CDKN1A: variants seen among roughly 807,000 people sequenced by gnomAD.
CDKN1A encodes cyclin dependent kinase inhibitor 1A.
In CDKN1A, 14 loss-of-function variants were observed where a neutral mutation model predicts 14.8. That is an observed-to-expected ratio of 0.94 (90% confidence interval 0.62 to 1.48). The LOEUF (loss-of-function observed/expected upper bound fraction) is 1.48. Among genes scored for constraint, CDKN1A ranks in the 40% most tolerant of loss-of-function variants. The pLI is 0.00. For synonymous variants in CDKN1A, 92 were observed against 93.5 expected (o/e 0.98, Z 0.09); for missense variants, 203 against 231.7 (o/e 0.88, Z 0.80).
At position 36,686,392 on chromosome 6, in the gene CDKN1A, T is replaced by C; in HGVS notation, c.*592T>C. The C allele has an allele frequency of 4.1e-6, 1 of 241,448 alleles. No homozygotes were observed. The highest frequency in any genetic ancestry group is 8.1e-6 in the Non-Finnish European group (1 of 122,704). 15.0% of individuals were successfully genotyped at this position (241,448 alleles called of 1,614,324 possible). ...GCCTAGGGCTGAGCTGGGGACCTGG[T>C]ACCCTCCTGGCTCTTGATACCCCCC... On this transcript the variant is annotated 3_prime_UTR_variant, in exon 3 of 3. Transcript: ENST00000244741. The surrounding 1 kb of genome is among the most constrained non-coding windows in gnomAD (Gnocchi z 4.9).
chr6:36,678,704 T>G (rs906598152), upstream of CDKN1A: 15 of 985,450 alleles, frequency 1.5e-5, no homozygotes, highest in South Asian at 5.6e-4. The surrounding 1 kb of genome is among the most constrained non-coding windows in gnomAD (Gnocchi z 5.7). Flanking sequence ...CGCGCTGAGC[T>G]GCGCCAGCTG....
In CDKN1A at chr6:36,684,496, G is replaced by C. The variant is rs777722468; in HGVS notation, c.395G>C (p.Gly132Ala). The C allele has an allele frequency of 6.2e-7, 1 of 1,614,112 alleles. No homozygotes were observed. The highest frequency in any genetic ancestry group is 2.2e-5 in the East Asian group (1 of 44,900). Reference protein sequence around the residue: ...RSGEQAEGSPGGPGDSQGRKR... With the variant: ...RSGEQAEGSPAGPGDSQGRKR... The stretch of plus-strand genomic sequence containing the variant: ...GGGGAGCAGGCTGAAGGGTCCCCAG[G>C]TGGACCTGGAGACTCTCAGGGTCGA... The change falls in exon 2 of 3, where the codon GGT (glycine) becomes GCT (alanine). Residue 132 changes from glycine to alanine, a missense_variant. Transcript: ENST00000244741. This position sits in a 1 kb window ranked among gnomAD's most constrained non-coding sequence, Gnocchi z 6.0.
rs368128681 is a variant in CDKN1A at position 36,684,169 on chromosome 6, G to A, written c.68G>A (p.Gly23Asp). The A allele has an allele frequency of 8.1e-6, 13 of 1,612,254 alleles. No individual in the cohort carries two copies. Among genetic ancestry groups the A allele is most frequent in the Non-Finnish European group, 1.1e-5 (13 of 1,180,014 alleles). ...CGSKACRRLFGPVDSEQLSRD... is the reference protein window; with the variant it reads ...CGSKACRRLFDPVDSEQLSRD... ...AGCAAGGCCTGCCGCCGCCTCTTCG[G>A]CCCAGTGGACAGCGAGCAGCTGAGC... is the stretch of plus-strand genomic sequence containing the variant. Residue 23 changes from glycine to aspartate, a missense_variant, in exon 2 of 3, where the codon GGC becomes GAC. Coordinates refer to ENST00000244741, the MANE Select transcript of CDKN1A (RefSeq NM_000389.5). This position sits in a 1 kb window ranked among gnomAD's most constrained non-coding sequence, Gnocchi z 6.0.
intron 1 of CDKN1A, among the ~76,000 whole-genome samples, chr6:36,680,297 TCTGCGCGGGC>T (rs1458629272): frequency 7.1e-6 from 1 of 140,320 alleles, no homozygotes; most frequent in African/African-American, 2.6e-5. Context: ...CGCGTGCGTG[TCTGCGCGGGC>T]GTGTGTGTGT....
intron 1 of CDKN1A, among the ~76,000 whole-genome samples, chr6:36,683,454 T>C (rs1762083477): frequency 6.6e-6 from 1 of 152,242 alleles, no homozygotes; most frequent in African/African-American, 2.4e-5. Flanking sequence ...TTTAAACTTG[T>C]ACATGGCCCC....
intron 1 of CDKN1A, among the ~76,000 whole-genome samples, chr6:36,681,334 T>TTTTCTTTC (rs1554185367): frequency 2.9e-4 from 25 of 86,126 alleles, no homozygotes; most frequent in Admixed American, 4.6e-4. Context: ...CTTTCTTTCT[T>TTTTCTTTC]TTTCTTTCTT....
chr6:36,683,646 G>A (rs979472630), intron 1 of CDKN1A, among the ~76,000 whole-genome samples: 1 of 152,194 alleles, frequency 6.6e-6, no homozygotes, highest in Non-Finnish European at 1.5e-5. Context: ...GGAGGCTGGA[G>A]GAACTGTCAG....
intron 1 of CDKN1A, among the ~76,000 whole-genome samples, chr6:36,683,733 A>C (rs1582579791): frequency 6.6e-6 from 1 of 152,204 alleles, no homozygotes; most frequent in South Asian, 2.1e-4. Context: ...CAATTCACAC[A>C]TATTTGGGGG....
intron 1 of CDKN1A, 146 bp from the exon 2 acceptor site, chr6:36,683,951 G>A (rs1294107624): frequency 3.6e-6 from 3 of 826,240 alleles, no homozygotes; most frequent in East Asian, 2.7e-5. Flanking sequence ...CCTCCTGTGG[G>A]AAGGAAGCAG....
intron 1 of CDKN1A, among the ~76,000 whole-genome samples, chr6:36,679,429 G>C (rs1035350141): frequency 6.6e-6 from 1 of 152,202 alleles, no homozygotes; most frequent in African/African-American, 2.4e-5. Context: ...AAGGACTAGC[G>C]AGGAGGTGAC....
chr6:36,685,784 C>G lies in CDKN1A; in HGVS notation c.479C>G (p.Ser160Cys), dbSNP rs981464191. 2 of 1,614,104 alleles carry G rather than the reference C, an allele frequency of 1.2e-6. No individual in the cohort carries two copies. Among genetic ancestry groups the G allele is most frequent in the Non-Finnish European group, 1.7e-6 (2 of 1,180,040 alleles). The change falls in exon 3 of 3, where the codon TCC (serine) becomes TGC (cysteine). Residue 160 changes from serine (S) to cysteine (C), a missense_variant. By Grantham distance (112) the Ser-to-Cys change is moderately radical. Coordinates refer to ENST00000244741, the MANE Select transcript of CDKN1A (RefSeq NM_000389.5). Reference sequence around the variant, plus strand: ...CACTCCAAACGCCGGCTGATCTTCTCCAAGAGGAAGCCCTAATCCGCCCAC... The same window carrying G: ...CACTCCAAACGCCGGCTGATCTTCTGCAAGAGGAAGCCCTAATCCGCCCAC... ...FYHSKRRLIFSKRKP is the reference protein window; with the variant it reads ...FYHSKRRLIFCKRKP
rs537336408 is a variant in CDKN1A at position 36,684,185 on chromosome 6, G to A, written c.84G>A (p.Glu28=). The change falls in exon 2 of 3, where the codon GAG becomes GAA. Residue 28 remains glutamate, a synonymous_variant. Transcript: ENST00000244741. The surrounding 1 kb of genome is among the most constrained non-coding windows in gnomAD (Gnocchi z 6.0). ...CRRLFGPVDS[E]QLSRDCDALM... ...GCCTCTTCGGCCCAGTGGACAGCGA[G>A]CAGCTGAGCCGCGACTGTGATGCGC... is the stretch of plus-strand genomic sequence containing the variant. 3.7e-6 allele frequency: 6 copies of A among 1,611,992 alleles called. No individual in the cohort carries two copies. In the South Asian group the frequency reaches 4.4e-5, roughly 12 times the overall value.
At position 36,684,341 on chromosome 6, in the gene CDKN1A, G is replaced by C. The variant is rs984915958; in HGVS notation, c.240G>C (p.Thr80=). 9 of 1,613,340 alleles carry C rather than the reference G, an allele frequency of 5.6e-6. No individual in the cohort carries two copies. Among genetic ancestry groups the C allele is most frequent in the South Asian group, 2.2e-5 (2 of 91,062 alleles). ...GCCTGCCCAAGCTCTACCTTCCCAC[G>C]GGGCCCCGGCGAGGCCGGGATGAGT... ...GLGLPKLYLP[T]GPRRGRDELG... The change falls in exon 2 of 3, where the codon ACG becomes ACC. Residue 80 remains threonine, a synonymous_variant. Coordinates refer to ENST00000244741, the MANE Select transcript of CDKN1A (RefSeq NM_000389.5). This position sits in a 1 kb window ranked among gnomAD's most constrained non-coding sequence, Gnocchi z 6.0.
chr6:36,681,585 A>ATTTTTTTTTT (rs908259380), intron 1 of CDKN1A, among the ~76,000 whole-genome samples: 2 of 67,452 alleles, frequency 3.0e-5, no homozygotes, highest in African/African-American at 6.0e-5. Flanking sequence ...CCATGCCCAG[A>ATTTTTTTTTT]TTTTTTTTTT....
intron 1 of CDKN1A, chr6:36,680,842 T>A (rs183216457): frequency 6.6e-6 from 1 of 152,388 alleles, no homozygotes; most frequent in Admixed American, 6.5e-5. Flanking sequence ...AGGCTATTTT[T>A]AATTGTTTCT....
In CDKN1A at chr6:36,678,850, C is replaced by G. The variant is rs915562516; in HGVS notation, c.-6+52C>G. 27 of 985,572 alleles carry G rather than the reference C, an allele frequency of 2.7e-5. No homozygotes were observed. Among genetic ancestry groups the G allele is most frequent in the South Asian group, 1.4e-4 (3 of 21,300 alleles). The allele number at this position is 985,572 out of a possible 1,614,324, so 61.1% of individuals were successfully genotyped here. A position where few individuals can be genotyped will look rare whatever the true frequency, so the allele number is the denominator to read the frequency against. ...GGACCCCGGGCCGGCGGCCCAGAGC[C>G]GAGCCAAGCGTGCCCGCGTGTGTCC... On this transcript the variant is annotated intron_variant, in intron 1 of 2. Coordinates refer to ENST00000244741, the MANE Select transcript of CDKN1A (RefSeq NM_000389.5). The surrounding 1 kb of genome is among the most constrained non-coding windows in gnomAD (Gnocchi z 5.7).
At chr6:36,681,286 T>C (rs1359383676) in intron 1 of CDKN1A, among the ~76,000 whole-genome samples, 6 of 110,444 alleles carry the variant, frequency 5.4e-5, no homozygotes, top group African/African-American at 1.7e-4. Context: ...CTTTTTTTCT[T>C]TCTTTCTTTC....
At chr6:36,677,948 T>C (rs1419399094), upstream of CDKN1A, 2 of 1,255,916 alleles carry the variant, frequency 1.6e-6, no homozygotes, top group South Asian at 2.5e-5. Context: ...GTGTAGGGTG[T>C]AGGGAGATTG....
upstream of CDKN1A, among the ~76,000 whole-genome samples, chr6:36,677,391 T>C (rs1170027123): frequency 6.6e-6 from 1 of 152,160 alleles, no homozygotes. Context: ...GAGATGTCAG[T>C]AATTGTAGCT....
Sources: gnomAD v4.1 joint callset for allele counts (sites outside exome capture counted in the v4.1 genomes callset) on GRCh38, gnomAD v4.1.1 for gene constraint, Gnocchi (gnomAD v3.1) non-coding constraint, MANE v1.5 for transcripts, NCBI Gene and HGNC (gene_info 2026-07-23, HGNC 2026-07-21) for gene names.